Variants in ERICH1 observed in about 807,000 individuals in gnomAD.
The protein encoded by ERICH1 is glutamate-rich protein 1.
A neutral mutation model predicts 39.6 loss-of-function variants in ERICH1; 56 were observed. The ratio of observed to expected loss-of-function variants is 1.41; its 90% confidence interval spans 1.14 to 1.77. The LOEUF (loss-of-function observed/expected upper bound fraction) is 1.77, where lower values mean the gene tolerates loss of function less well. ERICH1 is among the 40% of genes most tolerant of loss of function. ERICH1 has a pLI of 0.00. For synonymous variants in ERICH1, 313 were observed against 223.6 expected (o/e 1.40, Z -3.57); for missense variants, 826 against 575.4 (o/e 1.44, Z -4.45).
chr8:674,603 C>T (rs1219196429), intron 3 of ERICH1, among the ~76,000 whole-genome samples: 1 of 152,180 alleles, frequency 6.6e-6, no homozygotes, highest in Non-Finnish European at 1.5e-5. Flanking sequence ...TGCGCCTGGC[C>T]AGTTGTTGCA....
At chr8:726,410 A>G (rs1352754168) in intron 1 of ERICH1, among the ~76,000 whole-genome samples, 1 of 152,126 alleles carries the variant, frequency 6.6e-6, no homozygotes, top group African/African-American at 2.4e-5. Context: ...ACAGACACAC[A>G]TGTACACCCA....
chr8:693,429 C>A (rs766245623), intron 2 of ERICH1, among the ~76,000 whole-genome samples: 23 of 152,228 alleles, frequency 1.5e-4, no homozygotes, highest in Admixed American at 7.8e-4. Context: ...ATATCCCATG[C>A]GATGGAATTA....
In ERICH1 at chr8:668,662, C is replaced by G. The variant is rs890607678; in HGVS notation, c.1194G>C (p.Leu398=). ...ILYHMKTLLL[L]QDTERLKHAL... is the part of the protein sequence containing the mutation. ...CATGCTTCAATCTCTCAGTATCTTG[C>G]AGGAGCAGCAGCGTTTTCATGTGGT... The change falls in exon 5 of 6, where the codon CTG becomes CTC. Residue 398 remains leucine, a synonymous_variant. Transcript: ENST00000262109. 4.3e-6 allele frequency: 7 copies of G among 1,614,066 alleles called. No individual in the cohort carries two copies. The highest frequency in any genetic ancestry group is 5.1e-6 in the Non-Finnish European group (6 of 1,180,058).
At chr8:681,155 T>C (rs12114286) in intron 3 of ERICH1, among the ~76,000 whole-genome samples, 94,402 of 151,974 alleles carry the variant, frequency 0.62, 29,660 homozygotes, top group East Asian at 0.9. Flanking sequence ...TCCCCTGCTG[T>C]CAACTGGGGG....
In ERICH1 at chr8:715,911, T is replaced by C. The variant is rs1815856856; in HGVS notation, c.119A>G (p.Lys40Arg). The C allele has an allele frequency of 6.2e-7, 1 of 1,613,898 alleles. No individual in the cohort carries two copies. Residue 40 changes from lysine (K) to arginine (R), a missense_variant, in exon 2 of 6, where the codon AAG becomes AGG. By Grantham distance (26) the Lys-to-Arg change is conservative. Coordinates refer to ENST00000262109, the MANE Select transcript of ERICH1 (RefSeq NM_207332.3). ...PQTLAVQNPP[K>R]KVTSEKVSQK... ...GCTCACTTTCTCAGAGGTCACTTTC[T>C]TTGGTGGATTTTGGACGGCCAGCGT...
downstream of ERICH1, among the ~76,000 whole-genome samples, chr8:662,462 A>G (rs1442407172): frequency 3.2e-5 from 4 of 124,086 alleles, no homozygotes; most frequent in Non-Finnish European, 6.1e-5. Flanking sequence ...CAGCCTGACC[A>G]ACATGGAGAA....
intron 3 of ERICH1, among the ~76,000 whole-genome samples, chr8:655,634 T>C (rs1215012202): frequency 1.3e-5 from 2 of 151,712 alleles, no homozygotes; most frequent in African/African-American, 4.8e-5. Flanking sequence ...TGCTCACTCC[T>C]TATCTGTATT....
At position 675,103 on chromosome 8, in the gene ERICH1, T is replaced by C. The variant is rs574705924; in HGVS notation, c.305-1056A>G. Among the ~76,000 whole-genome samples, 105 of 148,954 alleles carry C rather than the reference T, an allele frequency of 7.0e-4. 8 individuals carry two copies. The highest frequency in any genetic ancestry group is 8.8e-4 in the Non-Finnish European group (59 of 67,128). On this transcript the variant is annotated intron_variant, in intron 3 of 5. Transcript: ENST00000262109. ...AACCATGGCAGTCTCAACACCTCAG[T>C]GAGGACAGAGACGTGGCGGCCCCTC...
At chr8:679,461 C>T (rs1299823533) in intron 3 of ERICH1, among the ~76,000 whole-genome samples, 4 of 147,272 alleles carry the variant, frequency 2.7e-5, no homozygotes, top group African/African-American at 8.0e-5. Flanking sequence ...CCTCACAGCA[C>T]CCACCCCTCG....
At chr8:643,882 C>T (rs1307987272) in intron 3 of ERICH1, among the ~76,000 whole-genome samples, 2 of 152,140 alleles carry the variant, frequency 1.3e-5, no homozygotes, top group African/African-American at 4.8e-5. Flanking sequence ...GATGTGTGAC[C>T]GAAAAAGGAG....
chr8:692,675 C>A, intron 2 of ERICH1, 63 bp from the exon 3 acceptor site: 1 of 1,481,320 alleles, frequency 6.8e-7, no homozygotes, highest in Non-Finnish European at 9.0e-7. Context: ...CATTTATTTG[C>A]CTTGATTACA....
intron 3 of ERICH1, among the ~76,000 whole-genome samples, chr8:683,518 C>T (rs1225382166): frequency 1.3e-5 from 2 of 152,208 alleles, no homozygotes; most frequent in Non-Finnish European, 2.9e-5. Context: ...CTCTCTCTCT[C>T]TTAATAGATC....
intron 3 of ERICH1, chr8:691,064 G>A (rs950693728): frequency 6.6e-6 from 1 of 152,338 alleles, no homozygotes; most frequent in East Asian, 1.9e-4. Flanking sequence ...GCAGCTGCAA[G>A]GCTGTGCTTG....
Position 637,863 on chromosome 8 carries a change from G to A in ERICH1, c.977-22579C>T, listed in dbSNP as rs62486202. 7.7e-3 allele frequency among the ~76,000 whole-genome samples: 1,174 copies of A among 152,318 alleles called. 8 individuals are homozygous for A. The highest frequency in any genetic ancestry group is 0.011 in the Non-Finnish European group (775 of 68,020). ...AGCCGTGCGAGAGCACAGCAGCCAGGGTCCTGCTCTCAACATGTAGCCTGC... is the reference window on the plus strand; with the variant it reads ...AGCCGTGCGAGAGCACAGCAGCCAGAGTCCTGCTCTCAACATGTAGCCTGC... On this transcript the variant is annotated intron_variant, in intron 3 of 3. Coordinates refer to the ERICH1 transcript ENST00000522706.
At chr8:620,516 C>T (rs2117028179) in intron 3 of ERICH1, among the ~76,000 whole-genome samples, 1 of 152,248 alleles carries the variant, frequency 6.6e-6, no homozygotes, top group Middle Eastern at 3.4e-3. Flanking sequence ...CTGCAATGTA[C>T]ACTGACCTCC....
At chr8:686,960 T>C (rs1585303598) in intron 3 of ERICH1, among the ~76,000 whole-genome samples, 2 of 152,068 alleles carry the variant, frequency 1.3e-5, no homozygotes, top group Middle Eastern at 6.8e-3. Flanking sequence ...GGCAGCCCCA[T>C]CACCCACCCA....
At chr8:629,501 T>TTCCC (rs1563166659) in intron 3 of ERICH1, among the ~76,000 whole-genome samples, 141 of 42,220 alleles carry the variant, frequency 3.3e-3, no homozygotes, top group Middle Eastern at 0.019. Flanking sequence ...CACACGCTAC[T>TTCCC]GTGACCACCC....
Position 664,413 on chromosome 8 carries a change from A to G in ERICH1, c.*190T>C. The stretch of plus-strand genomic sequence containing the variant: ...ATATATAATTGCAAATAAGTGAAAA[A>G]TTTCCATTTTACCCCAATTTCTCAT... On this transcript the variant is annotated 3_prime_UTR_variant, in exon 6 of 6. Transcript: ENST00000262109. 1 of 1,245,030 alleles carries G rather than the reference A, an allele frequency of 8.0e-7. No individual in the cohort carries two copies. Among genetic ancestry groups the G allele is most frequent in the Non-Finnish European group, 1.0e-6 (1 of 993,684 alleles). The allele number at this position is 1,245,030 out of a possible 1,614,324, so 77.1% of individuals were successfully genotyped here.
At chr8:637,894 C>G (rs1450929654) in intron 3 of ERICH1, among the ~76,000 whole-genome samples, 1 of 152,234 alleles carries the variant, frequency 6.6e-6, no homozygotes, top group Non-Finnish European at 1.5e-5. Flanking sequence ...CCTGCTCTGG[C>G]CACTGCAGGC....
Sources: allele counts gnomAD v4.1 joint callset (sites outside exome capture counted in the v4.1 genomes callset), GRCh38; gene constraint gnomAD v4.1.1; transcripts MANE v1.5; gene names NCBI Gene and HGNC (gene_info 2026-07-23, HGNC 2026-07-21).